GPC5: variants seen among roughly 807,000 people sequenced by gnomAD.
GPC5 encodes glypican 5, also known as glypican-5.
GPC5 carries 47 observed loss-of-function variants against 53.9 expected under a neutral mutation model. The ratio of observed to expected loss-of-function variants is 0.87; its 90% CI spans 0.69 to 1.11. The LOEUF is 1.11. Among genes scored for constraint, GPC5 ranks in the 50% most tolerant of loss-of-function variants. GPC5 has a pLI of 0.00. For missense variants in GPC5, 748 were observed against 713.1 expected (o/e 1.05, Z -0.56); for synonymous variants, 286 against 263.3 (o/e 1.09, Z -0.84).
At chr13:92,805,802 A>G (rs1307266152) in intron 7 of GPC5, among the ~76,000 whole-genome samples, 1 of 152,002 alleles carries the variant, frequency 6.6e-6, no homozygotes, top group East Asian at 1.9e-4. Flanking sequence ...AAATCATACC[A>G]TAAACAGACA....
chr13:91,959,092 AC>A (rs2040102165), intron 6 of GPC5, among the ~76,000 whole-genome samples: 2 of 145,382 alleles, frequency 1.4e-5, no homozygotes, highest in African/African-American at 4.9e-5. Flanking sequence ...ACACACACAC[AC>A]ACACACACAT....
At chr13:92,347,146 A>C (rs1317876412) in intron 7 of GPC5, among the ~76,000 whole-genome samples, 1 of 152,178 alleles carries the variant, frequency 6.6e-6, no homozygotes. Flanking sequence ...GGGCTAAAAA[A>C]AACTTCCATA....
chr13:92,062,561 CTAAGA>C (rs1356579156), intron 6 of GPC5, among the ~76,000 whole-genome samples: 2 of 151,934 alleles, frequency 1.3e-5, no homozygotes, highest in Non-Finnish European at 2.9e-5. Flanking sequence ...CTATTATTAT[CTAAGA>C]TATTTCCCTT....
intron 7 of GPC5, among the ~76,000 whole-genome samples, chr13:92,312,290 A>G (rs1482457282): frequency 6.6e-6 from 1 of 152,142 alleles, no homozygotes; most frequent in African/African-American, 2.4e-5. Context: ...GTGTGTGCTA[A>G]TGGACTATAT....
intron 6 of GPC5, among the ~76,000 whole-genome samples, chr13:91,976,485 G>A (rs2040303360): frequency 6.6e-6 from 1 of 152,074 alleles, no homozygotes; most frequent in South Asian, 2.1e-4. Flanking sequence ...TCTCTCTGAT[G>A]CCCTACAATT....
chr13:91,943,511 T>G (rs2039947307), intron 6 of GPC5, among the ~76,000 whole-genome samples: 1 of 152,154 alleles, frequency 6.6e-6, no homozygotes, highest in Admixed American at 6.5e-5. Flanking sequence ...TATGAGTGAT[T>G]GATGAATTTT....
intron 6 of GPC5, among the ~76,000 whole-genome samples, chr13:92,141,651 C>T (rs1411502752): frequency 6.6e-6 from 1 of 152,112 alleles, no homozygotes; most frequent in Non-Finnish European, 1.5e-5. Flanking sequence ...CATGTAGCAG[C>T]TCAAGACAAC....
intron 7 of GPC5, among the ~76,000 whole-genome samples, chr13:92,777,872 T>C (rs903654878): frequency 6.6e-6 from 1 of 152,180 alleles, no homozygotes; most frequent in African/African-American, 2.4e-5. Context: ...TCTGATATTG[T>C]GTACACCTAG....
chr13:92,104,885 C>T (rs1277661955), intron 6 of GPC5, among the ~76,000 whole-genome samples: 1 of 152,074 alleles, frequency 6.6e-6, no homozygotes, highest in Non-Finnish European at 1.5e-5. Flanking sequence ...CCATCAAGAT[C>T]TTTGCAGTGA....
intron 7 of GPC5, among the ~76,000 whole-genome samples, chr13:92,835,113 G>C (rs186462521): frequency 1.3e-5 from 2 of 151,924 alleles, no homozygotes; most frequent in East Asian, 3.9e-4. Flanking sequence ...ACTACAGAAT[G>C]TTTTTATTTT....
intron 7 of GPC5, among the ~76,000 whole-genome samples, chr13:92,776,869 G>T (rs1875827833): frequency 1.3e-5 from 2 of 151,646 alleles, no homozygotes; most frequent in Admixed American, 1.3e-4. Context: ...CTTTAATAAT[G>T]CTCTGTGTCC....
chr13:91,448,875 G>C lies in GPC5; in HGVS notation c.278G>C (p.Ser93Thr). The change falls in exon 2 of 8, where the codon AGC (serine) becomes ACC (threonine). Residue 93 changes from serine (S) to threonine (T), a missense_variant. Coordinates refer to ENST00000377067, the MANE Select transcript of GPC5 (RefSeq NM_004466.6). ...QDMQQFLQTSSSTLKFLISRN... is the reference protein window; with the variant it reads ...QDMQQFLQTSTSTLKFLISRN... ...ATGCAGCAGTTTCTTCAAACGTCCA[G>C]CTCTACATTAAAGTTTCTAATATCT... 4 of 1,613,576 alleles carry C rather than the reference G, an allele frequency of 2.5e-6. No homozygotes were observed. Among genetic ancestry groups the C allele is most frequent in the Non-Finnish European group, 2.5e-6 (3 of 1,179,720 alleles).
chr13:91,983,688 A>G (rs919442560), intron 6 of GPC5, among the ~76,000 whole-genome samples: 8 of 152,130 alleles, frequency 5.3e-5, no homozygotes. Flanking sequence ...TGATAAGGCC[A>G]TTTGTAGCTT....
At chr13:92,010,826 C>T (rs2040654795) in intron 6 of GPC5, among the ~76,000 whole-genome samples, 1 of 152,178 alleles carries the variant, frequency 6.6e-6, no homozygotes. Flanking sequence ...CTTAAACTTT[C>T]AGCTTTCGGA....
intron 7 of GPC5, among the ~76,000 whole-genome samples, chr13:92,722,872 A>T (rs1250337000): frequency 6.6e-6 from 1 of 151,874 alleles, no homozygotes; most frequent in Non-Finnish European, 1.5e-5. Flanking sequence ...GCCATTTTGA[A>T]GTTGTCCTTT....
At chr13:92,794,535 G>T (rs1213533446) in intron 7 of GPC5, among the ~76,000 whole-genome samples, 2 of 152,090 alleles carry the variant, frequency 1.3e-5, no homozygotes, top group Non-Finnish European at 2.9e-5. Flanking sequence ...TCTGGCCAGG[G>T]CAATCAGGCA....
intron 2 of GPC5, among the ~76,000 whole-genome samples, chr13:91,667,329 G>A (rs2035139172): frequency 6.6e-6 from 1 of 152,092 alleles, no homozygotes. Flanking sequence ...TGTGTGTAAT[G>A]CACATTTATA....
chr13:91,837,108 A>G (rs1051329197), intron 5 of GPC5, among the ~76,000 whole-genome samples: 36 of 151,026 alleles, frequency 2.4e-4, no homozygotes, highest in Non-Finnish European at 5.2e-4. Flanking sequence ...AGAAATATAC[A>G]TATATCTCTC....
chr13:92,755,376 A>T (rs1266428924), intron 7 of GPC5, among the ~76,000 whole-genome samples: 1 of 141,704 alleles, frequency 7.1e-6, no homozygotes, highest in Non-Finnish European at 1.6e-5. Flanking sequence ...AAGAGAAAGC[A>T]GGAAAGATCC....
Sources: allele counts gnomAD v4.1 joint callset (sites outside exome capture counted in the v4.1 genomes callset), GRCh38; gene constraint gnomAD v4.1.1; transcripts MANE v1.5; gene names NCBI Gene and HGNC (gene_info 2026-07-23, HGNC 2026-07-21).